Variants in GRM5 observed in about 807,000 individuals in gnomAD.
GRM5 encodes the protein glutamate metabotropic receptor 5, also known as metabotropic glutamate receptor 5.
GRM5 carries 19 observed loss-of-function variants against 83.1 expected under a neutral mutation model. That is an observed-to-expected ratio of 0.23 (90% CI 0.16 to 0.34). The LOEUF (loss-of-function observed/expected upper bound fraction) is 0.34. Ranked by LOEUF, GRM5 falls within the 10% of genes least tolerant of loss-of-function variation. GRM5 has a pLI of 1.00. For synonymous variants in GRM5, 675 were observed against 633.6 expected (o/e 1.07, Z -0.98); for missense variants, 1,160 against 1,588.3 (o/e 0.73, Z 4.58).
intron 2 of GRM5, among the ~76,000 whole-genome samples, chr11:88,872,880 T>C (rs1312382064): frequency 6.6e-6 from 1 of 150,918 alleles, no homozygotes; most frequent in Non-Finnish European, 1.5e-5. Flanking sequence ...TTACCTTATA[T>C]GTAAATGAAA....
intron 7 of GRM5, among the ~76,000 whole-genome samples, chr11:88,579,350 G>A (rs1306545912): frequency 6.6e-6 from 1 of 152,094 alleles, no homozygotes; most frequent in Non-Finnish European, 1.5e-5. Flanking sequence ...AAAAGTTACT[G>A]TATTTTGGCT....
intron 3 of GRM5, among the ~76,000 whole-genome samples, chr11:88,843,699 C>A (rs1368383357): frequency 9.9e-5 from 15 of 152,048 alleles, no homozygotes; most frequent in Non-Finnish European, 1.2e-4. Context: ...AAGGTGGAAG[C>A]AAATATAGGC....
intron 2 of GRM5, among the ~76,000 whole-genome samples, chr11:88,962,876 G>A (rs1218136302): frequency 6.6e-6 from 1 of 152,178 alleles, no homozygotes; most frequent in East Asian, 1.9e-4. Flanking sequence ...AGATCACGAG[G>A]TCAAGAGATA....
At chr11:88,510,577 C>T (rs755040434) in intron 9 of GRM5, among the ~76,000 whole-genome samples, 9 of 152,140 alleles carry the variant, frequency 5.9e-5, no homozygotes, top group African/African-American at 1.2e-4. Context: ...AGTGCAGTGG[C>T]GCCATCTCAG....
At chr11:88,635,764 C>A (rs1414799331) in intron 4 of GRM5, among the ~76,000 whole-genome samples, 2 of 152,120 alleles carry the variant, frequency 1.3e-5, no homozygotes, top group Non-Finnish European at 2.9e-5. Context: ...TCGTCCAGGC[C>A]ACTATCAGGA....
intron 2 of GRM5, among the ~76,000 whole-genome samples, chr11:88,927,648 G>T (rs1325433228): frequency 6.6e-6 from 1 of 152,066 alleles, no homozygotes; most frequent in Non-Finnish European, 1.5e-5. Flanking sequence ...GGAAGATCAT[G>T]CTTCTCAATA....
intron 2 of GRM5, among the ~76,000 whole-genome samples, chr11:88,963,255 T>C (rs1441311669): frequency 1.3e-5 from 2 of 152,170 alleles, no homozygotes. Flanking sequence ...TAACAGGATA[T>C]ATGTGGCATA....
intron 3 of GRM5, among the ~76,000 whole-genome samples, chr11:88,680,792 C>T (rs1185901494): frequency 6.6e-6 from 1 of 152,132 alleles, no homozygotes; most frequent in Non-Finnish European, 1.5e-5. Context: ...ATTACATCAC[C>T]CTTATTGTTT....
intron 9 of GRM5, 66 bp from the exon 10 acceptor site, chr11:88,509,570 C>G (rs1941306169): frequency 8.2e-7 from 1 of 1,220,880 alleles, no homozygotes. Flanking sequence ...TGCCGCTTCC[C>G]CAATGGTGGT....
intron 4 of GRM5, among the ~76,000 whole-genome samples, chr11:88,609,870 T>C (rs1479083225): frequency 6.6e-6 from 1 of 152,180 alleles, no homozygotes; most frequent in African/African-American, 2.4e-5. Context: ...TTTTAGCTCT[T>C]ACATTTAAGT....
intron 3 of GRM5, among the ~76,000 whole-genome samples, chr11:88,740,695 C>T (rs576191084): frequency 1.8e-4 from 27 of 152,152 alleles, no homozygotes; most frequent in Middle Eastern, 3.4e-3. Context: ...AATAAGGCTT[C>T]GTGAGACTCA....
intron 3 of GRM5, among the ~76,000 whole-genome samples, chr11:88,737,315 T>C (rs1941936815): frequency 6.6e-6 from 1 of 152,090 alleles, no homozygotes. Flanking sequence ...CCTGCATGTG[T>C]AGCCTCTACA....
chr11:88,587,083 G>T (rs1189262974), intron 7 of GRM5, among the ~76,000 whole-genome samples: 1 of 152,194 alleles, frequency 6.6e-6, no homozygotes, highest in Non-Finnish European at 1.5e-5. Context: ...TTAAGGGACA[G>T]CTATGTCCAT....
chr11:88,599,733 G>A lies in GRM5; in HGVS notation c.1395-2381C>T, dbSNP rs1236882573. 7.2e-5 allele frequency among the ~76,000 whole-genome samples: 11 copies of A among 152,142 alleles called. No individual in the cohort carries two copies. In the East Asian group the frequency reaches 1.9e-3, roughly 27 times the overall value. ...TTGTTTTCCAATAAAATAACAGAAG[G>A]TCAGGCACGGTGGCTCACACCTGTA... On this transcript the variant is annotated intron_variant, in intron 5 of 9. Coordinates refer to ENST00000305447, the MANE Select transcript of GRM5 (RefSeq NM_001143831.3).
intron 8 of GRM5, among the ~76,000 whole-genome samples, chr11:88,538,690 TA>T (rs982019120): frequency 6.6e-6 from 1 of 152,238 alleles, no homozygotes; most frequent in African/African-American, 2.4e-5. Flanking sequence ...AGCCATCACT[TA>T]CTGAGCACTT....
At chr11:88,893,321 T>C (rs1218999910) in intron 2 of GRM5, among the ~76,000 whole-genome samples, 1 of 151,766 alleles carries the variant, frequency 6.6e-6, no homozygotes, top group African/African-American at 2.4e-5. Context: ...AAGAGAACAG[T>C]TGGTTGTTTA....
At chr11:88,605,857 A>C (rs917420375) in intron 4 of GRM5, among the ~76,000 whole-genome samples, 9 of 152,176 alleles carry the variant, frequency 5.9e-5, no homozygotes, top group Non-Finnish European at 1.5e-5. Context: ...ACTGCTCAGA[A>C]CTTGCTCCGA....
intron 8 of GRM5, among the ~76,000 whole-genome samples, chr11:88,561,067 C>A (rs10501669): frequency 0.054 from 8,226 of 151,996 alleles, 706 homozygotes; most frequent in African/African-American, 0.18. Flanking sequence ...CTCTAAAGAA[C>A]GAGAAATAGC....
chr11:88,749,311 G>A (rs764230702), intron 3 of GRM5, among the ~76,000 whole-genome samples: 8 of 152,098 alleles, frequency 5.3e-5, no homozygotes, highest in Admixed American at 1.3e-4. Flanking sequence ...AGTATCAATA[G>A]CAAAATAGAC....
Sources: allele counts gnomAD v4.1 joint callset (sites outside exome capture counted in the v4.1 genomes callset), GRCh38; gene constraint gnomAD v4.1.1; transcripts MANE v1.5; gene names NCBI Gene and HGNC (gene_info 2026-07-23, HGNC 2026-07-21).